Variants in CORIN observed in about 807,000 individuals in gnomAD.
CORIN encodes atrial natriuretic peptide-converting enzyme.
CORIN carries 117 observed loss-of-function variants against 125.3 expected under a neutral mutation model. The ratio of observed to expected loss-of-function variants is 0.93; its 90% CI spans 0.80 to 1.09. The LOEUF (loss-of-function observed/expected upper bound fraction) is 1.09, where lower values mean the gene tolerates loss of function less well. CORIN is among the 50% of genes least tolerant of loss of function. The pLI is 0.00. For missense variants in CORIN, 1,253 were observed against 1,306.7 expected (o/e 0.96, Z 0.63); for synonymous variants, 450 against 466.4 (o/e 0.96, Z 0.45).
chr4:47,625,129 TTTATAA>T lies in CORIN; in HGVS notation c.2316-1187_2316-1182del, dbSNP rs1382942725. The stretch of plus-strand genomic sequence containing the variant: ...CAAAGCCTAAAATTATTTTTACTAA[TTTATAA>T]TCTTTATTTTCACCCCCATATAGTG... On this transcript the variant is annotated intron_variant, in intron 17 of 21. Transcript: ENST00000273857. Among the ~76,000 whole-genome samples, 16 of 152,270 alleles carry T rather than the reference TTTATAA, an allele frequency of 1.1e-4. No individual in the cohort carries two copies. In the South Asian group the frequency reaches 2.7e-3, roughly 26 times the overall value.
intron 16 of CORIN, among the ~76,000 whole-genome samples, chr4:47,630,075 T>C (rs1272313544): frequency 6.6e-6 from 1 of 152,186 alleles, no homozygotes; most frequent in Non-Finnish European, 1.5e-5. Flanking sequence ...GTTCATACAT[T>C]TACTTAACTA....
intron 2 of CORIN, among the ~76,000 whole-genome samples, chr4:47,803,658 G>A (rs1731641425): frequency 6.6e-6 from 1 of 152,206 alleles, no homozygotes; most frequent in Admixed American, 6.5e-5. Context: ...TCCACATGCA[G>A]AAGAATAAAA....
At position 47,625,913 on chromosome 4, in the gene CORIN, C is replaced by G. The variant is rs1181596040; in HGVS notation, c.2315+492G>C. Among the ~76,000 whole-genome samples, 3 of 152,086 alleles carry G rather than the reference C, an allele frequency of 2.0e-5. No homozygotes were observed. The East Asian group carries it at 5.8e-4, about 29-fold the overall frequency. ...AATTTATCTTCCTCCTACACCCCAC[C>G]CATAGACAAGGGAAGCAACCCTGTT... is the stretch of plus-strand genomic sequence containing the variant. On this transcript the variant is annotated intron_variant, in intron 17 of 21. Coordinates refer to ENST00000273857, the MANE Select transcript of CORIN (RefSeq NM_006587.4).
chr4:47,824,652 A>T (rs1293055344), intron 1 of CORIN, among the ~76,000 whole-genome samples: 3 of 152,094 alleles, frequency 2.0e-5, no homozygotes, highest in Non-Finnish European at 4.4e-5. Flanking sequence ...TTCAAACAGG[A>T]TGGAAACTCA....
chr4:47,802,010 G>T (rs1278841906), intron 2 of CORIN, among the ~76,000 whole-genome samples: 1 of 152,174 alleles, frequency 6.6e-6, no homozygotes, highest in East Asian at 1.9e-4. Context: ...TAAAGGGAGA[G>T]CACAGCAACT....
chr4:47,704,859 A>G (rs990441580), intron 5 of CORIN, among the ~76,000 whole-genome samples: 3 of 152,108 alleles, frequency 2.0e-5, no homozygotes, highest in Non-Finnish European at 2.9e-5. Context: ...TCCACTTGAC[A>G]AAAGGGTAGG....
intron 5 of CORIN, among the ~76,000 whole-genome samples, chr4:47,719,519 C>A (rs1417446058): frequency 6.6e-6 from 1 of 152,152 alleles, no homozygotes; most frequent in Non-Finnish European, 1.5e-5. Flanking sequence ...CTAATAATTT[C>A]TTCTTATAAA....
At chr4:47,621,687 C>T (rs935965019) in intron 19 of CORIN, among the ~76,000 whole-genome samples, 111 of 152,058 alleles carry the variant, frequency 7.3e-4, no homozygotes, top group Non-Finnish European at 3.7e-4. Flanking sequence ...TTTTATGTAT[C>T]AATTTGGCTG....
chr4:47,606,054 T>C (rs1010827514), intron 19 of CORIN, among the ~76,000 whole-genome samples: 1 of 152,092 alleles, frequency 6.6e-6, no homozygotes, highest in African/African-American at 2.4e-5. Flanking sequence ...ATTCAGTGAA[T>C]AGAGAGATAG....
intron 3 of CORIN, among the ~76,000 whole-genome samples, chr4:47,768,038 T>C (rs1459125050): frequency 6.6e-6 from 1 of 152,182 alleles, no homozygotes; most frequent in Admixed American, 6.5e-5. Flanking sequence ...TGGCCTGTTC[T>C]TGCCTTAACT....
intron 19 of CORIN, among the ~76,000 whole-genome samples, chr4:47,616,558 T>C (rs1372790832): frequency 1.3e-5 from 2 of 152,182 alleles, no homozygotes; most frequent in South Asian, 2.1e-4. Context: ...GATGTAGTGA[T>C]AAAATACTGG....
At chr4:47,748,090 C>T (rs181506930) in intron 4 of CORIN, among the ~76,000 whole-genome samples, 16 of 152,262 alleles carry the variant, frequency 1.1e-4, no homozygotes, top group Non-Finnish European at 2.2e-4. Flanking sequence ...AACTGAGACC[C>T]ATAAGCTTTA....
chr4:47,797,641 G>A (rs1310945068), intron 2 of CORIN, among the ~76,000 whole-genome samples: 1 of 151,978 alleles, frequency 6.6e-6, no homozygotes, highest in Non-Finnish European at 1.5e-5. Flanking sequence ...GAGACAAAAT[G>A]CATGTTTAGT....
intron 5 of CORIN, among the ~76,000 whole-genome samples, chr4:47,724,306 A>G (rs551850246): frequency 6.6e-6 from 1 of 152,332 alleles, no homozygotes; most frequent in East Asian, 1.9e-4. Context: ...GTGAACTTAT[A>G]GCTAAATTAA....
At chr4:47,702,118 T>C (rs1390233552) in intron 5 of CORIN, among the ~76,000 whole-genome samples, 1 of 152,116 alleles carries the variant, frequency 6.6e-6, no homozygotes, top group Non-Finnish European at 1.5e-5. Context: ...TTAGTTTCTT[T>C]AAAAAAATTG....
Position 47,779,888 on chromosome 4 carries a change from C to T in CORIN, c.409+6837G>A, listed in dbSNP as rs370141616. Reference sequence around the variant, plus strand: ...TTTTGGGTATGAGTTTAGGGCATTTCGGTCCATGTCTAGTTATCAATGTAA... The same window carrying T: ...TTTTGGGTATGAGTTTAGGGCATTTTGGTCCATGTCTAGTTATCAATGTAA... On this transcript the variant is annotated intron_variant, in intron 3 of 21. Coordinates refer to ENST00000273857, the MANE Select transcript of CORIN (RefSeq NM_006587.4). Among the ~76,000 whole-genome samples the T allele has an allele frequency of 3.9e-4, 59 of 152,270 alleles. No homozygotes were observed. In the South Asian group the frequency reaches 8.5e-3, roughly 22 times the overall value.
At chr4:47,723,995 C>CAAA (rs766930754) in intron 5 of CORIN, among the ~76,000 whole-genome samples, 68 of 58,758 alleles carry the variant, frequency 1.2e-3, no homozygotes, top group East Asian at 2.6e-3. Context: ...GACTCCATCT[C>CAAA]AAAAAAAAAA....
intron 4 of CORIN, among the ~76,000 whole-genome samples, chr4:47,749,243 G>C (rs1045696545): frequency 1.3e-5 from 2 of 151,964 alleles, no homozygotes; most frequent in African/African-American, 4.8e-5. Flanking sequence ...TGAGTGATTT[G>C]CTCCCAACCA....
intron 19 of CORIN, among the ~76,000 whole-genome samples, chr4:47,608,024 A>G (rs1052655802): frequency 1.1e-4 from 17 of 152,168 alleles, no homozygotes; most frequent in African/African-American, 3.9e-4. Context: ...ATTTTAGTAA[A>G]AACCATTAAA....
Sources: gnomAD v4.1 joint callset for allele counts (sites outside exome capture counted in the v4.1 genomes callset) on GRCh38, gnomAD v4.1.1 for gene constraint, MANE v1.5 for transcripts, NCBI Gene and HGNC (gene_info 2026-07-23, HGNC 2026-07-21) for gene names.